MAD1L1: variants seen among roughly 807,000 people sequenced by gnomAD.
The protein encoded by MAD1L1 is mitotic arrest deficient 1 like 1, also known as mitotic spindle assembly checkpoint protein MAD1.
MAD1L1 carries 95 observed loss-of-function variants against 96.9 expected under a neutral mutation model. The observed-to-expected ratio is 0.98, with a 90% CI of 0.83 to 1.16. MAD1L1 has a LOEUF of 1.16. Ranked by LOEUF, MAD1L1 falls within the 50% of genes most tolerant of loss-of-function variation. The pLI, the probability that MAD1L1 is intolerant of heterozygous loss-of-function variation, is 0.00. For synonymous variants in MAD1L1, 473 were observed against 396.6 expected (o/e 1.19, Z -2.29); for missense variants, 1,007 against 954.4 (o/e 1.06, Z -0.73).
chr7:1,936,563 A>G, intron 17 of MAD1L1, 124 bp downstream of exon 17: 1 of 1,021,290 alleles, frequency 9.8e-7, no homozygotes, highest in Non-Finnish European at 1.4e-6. Flanking sequence ...CCGGCTGCCC[A>G]CAGGGGAGGA....
intron 12 of MAD1L1, among the ~76,000 whole-genome samples, chr7:2,021,271 T>C (rs1782776722): frequency 6.6e-6 from 1 of 152,222 alleles, no homozygotes. Context: ...CCATATCATA[T>C]TCAACTGTGG....
At chr7:1,872,756 T>A (rs1470387937) in intron 18 of MAD1L1, 1 of 152,328 alleles carries the variant, frequency 6.6e-6, no homozygotes, top group East Asian at 1.9e-4. Flanking sequence ...GGAGAAACGC[T>A]TGCTGAACGA....
At chr7:2,154,198 G>A (rs1330969609) in intron 10 of MAD1L1, among the ~76,000 whole-genome samples, 1 of 152,176 alleles carries the variant, frequency 6.6e-6, no homozygotes, top group Non-Finnish European at 1.5e-5. Flanking sequence ...TAACAACGTG[G>A]CTGGAATGGG....
intron 12 of MAD1L1, among the ~76,000 whole-genome samples, chr7:2,020,996 T>A (rs1318414238): frequency 6.6e-6 from 1 of 151,666 alleles, no homozygotes; most frequent in Non-Finnish European, 1.5e-5. Flanking sequence ...TGAGCAAATG[T>A]AAAAACAGGT....
intron 18 of MAD1L1, chr7:1,848,135 G>A (rs552162395): frequency 7.4e-5 from 17 of 228,968 alleles, no homozygotes; most frequent in South Asian, 6.8e-4. Context: ...TCTCAGGGCT[G>A]GGTCCGCAGG....
chr7:1,887,861 A>ATGTGTGTGTGTGGCTGCCTGGG lies in MAD1L1; in HGVS notation c.1998+10338_1998+10339insCCCAGGCAGCCACACACACACA, dbSNP rs1554284097. 1.3e-3 allele frequency among the ~76,000 whole-genome samples: 171 copies of ATGTGTGTGTGTGGCTGCCTGGG among 132,252 alleles called. 1 individual carries two copies. Among genetic ancestry groups the ATGTGTGTGTGTGGCTGCCTGGG allele is most frequent in the African/African-American group, 4.7e-3 (162 of 34,436 alleles). 86.8% of individuals were successfully genotyped at this position (132,252 alleles called of 152,430 possible). On this transcript the variant is annotated intron_variant, in intron 18 of 18. Transcript: ENST00000265854. ...TGGCGTCCTGTGCGTGTGTGTGTGC[A>ATGTGTGTGTGTGGCTGCCTGGG]CGTGTGTGTGCAAGCATGCGTGTGT...
At chr7:2,055,602 C>T (rs1042502513) in intron 12 of MAD1L1, among the ~76,000 whole-genome samples, 2 of 142,002 alleles carry the variant, frequency 1.4e-5, no homozygotes, top group African/African-American at 5.3e-5. Flanking sequence ...CCTGCGATGT[C>T]GAGGCTGCAG....
chr7:2,039,176 T>C (rs1202135017), intron 12 of MAD1L1, among the ~76,000 whole-genome samples: 1 of 152,234 alleles, frequency 6.6e-6, no homozygotes. Context: ...CCTGGAGATC[T>C]ATTCAAGTAT....
At chr7:1,841,380 G>A (rs766622380) in intron 18 of MAD1L1, among the ~76,000 whole-genome samples, 1 of 152,124 alleles carries the variant, frequency 6.6e-6, no homozygotes, top group Non-Finnish European at 1.5e-5. Context: ...TTCACAGCCC[G>A]ACAGCACAGG....
At chr7:1,932,710 C>A (rs1789551726) in intron 17 of MAD1L1, among the ~76,000 whole-genome samples, 1 of 152,240 alleles carries the variant, frequency 6.6e-6, no homozygotes, top group South Asian at 2.1e-4. Context: ...ACAGACAGCC[C>A]AGTCTGAGCC....
intron 11 of MAD1L1, among the ~76,000 whole-genome samples, chr7:2,078,343 T>C (rs1310902432): frequency 6.6e-6 from 1 of 152,198 alleles, no homozygotes; most frequent in Non-Finnish European, 1.5e-5. Context: ...TGGATGGAAC[T>C]GAGGCCACCA....
rs1779452074 is a variant in MAD1L1, at chr7:1,950,700, T to C, written c.1596+6929A>G. On this transcript the variant is annotated intron_variant, in intron 16 of 18. Transcript: ENST00000265854. ...GCCCTTCGCCACCCTCTGCTGCCTC[T>C]GTGAGCAGCTGCAGGCCCACAGGGG... 2.0e-5 allele frequency among the ~76,000 whole-genome samples: 3 copies of C among 152,310 alleles called. 1 individual carries two copies. In the South Asian group the frequency reaches 6.2e-4, roughly 32 times the overall value.
intron 11 of MAD1L1, among the ~76,000 whole-genome samples, chr7:2,113,655 A>C (rs978860554): frequency 2.0e-5 from 3 of 152,222 alleles, no homozygotes; most frequent in African/African-American, 7.2e-5. Context: ...TTATCAGAAC[A>C]AAAGCCGCAG....
chr7:2,033,733 G>A (rs534492368), intron 12 of MAD1L1, among the ~76,000 whole-genome samples: 293 of 152,344 alleles, frequency 1.9e-3, no homozygotes, highest in Non-Finnish European at 3.4e-3. Flanking sequence ...CAGCAGTCAC[G>A]GGCGCTTCTG....
intron 13 of MAD1L1, among the ~76,000 whole-genome samples, chr7:2,004,340 CCACACCCGG>C (rs1781934424): frequency 1.3e-5 from 2 of 152,240 alleles, no homozygotes; most frequent in Non-Finnish European, 2.9e-5. Flanking sequence ...TCCATGTCCG[CCACACCCGG>C]CACACTGTCC....
intron 14 of MAD1L1, among the ~76,000 whole-genome samples, chr7:2,001,305 G>A (rs1720604328): frequency 6.6e-6 from 1 of 152,284 alleles, no homozygotes; most frequent in Admixed American, 6.5e-5. Flanking sequence ...GCATGCCCCA[G>A]GGCCGTCCTT....
intron 18 of MAD1L1, among the ~76,000 whole-genome samples, chr7:1,852,296 G>T (rs1397933919): frequency 6.6e-6 from 1 of 152,232 alleles, no homozygotes; most frequent in Non-Finnish European, 1.5e-5. Flanking sequence ...CACCTGCAGC[G>T]TAGCACTAGG....
intron 10 of MAD1L1, 59 bp from the exon 11 acceptor site, chr7:2,149,297 T>G: frequency 7.1e-7 from 1 of 1,411,980 alleles, no homozygotes; most frequent in Non-Finnish European, 1.0e-6. Flanking sequence ...AACCTGATTC[T>G]GCACACAAAA....
In MAD1L1 at chr7:2,205,182, A is replaced by C. The variant is rs564933120; in HGVS notation, c.986+8030T>G. Among the ~76,000 whole-genome samples, 7 of 151,002 alleles carry C rather than the reference A, an allele frequency of 4.6e-5. No individual in the cohort carries two copies. The South Asian group carries it at 1.3e-3, about 27-fold the overall frequency. ...TAGTTAAACTTCAAGGCAAGGAAAA[A>C]TGACACCCGTCCTTGTTTGGAGATT... On this transcript the variant is annotated intron_variant, in intron 10 of 18. Coordinates refer to ENST00000265854, the MANE Select transcript of MAD1L1 (RefSeq NM_001013836.2).
Sources: allele counts gnomAD v4.1 joint callset (sites outside exome capture counted in the v4.1 genomes callset), GRCh38; gene constraint gnomAD v4.1.1; transcripts MANE v1.5; gene names NCBI Gene and HGNC (gene_info 2026-07-23, HGNC 2026-07-21).